Variants in TBC1D20 observed in about 807,000 individuals in gnomAD.
The protein encoded by TBC1D20 is chromosome 20 open reading frame 140.
Under a neutral mutation model 41.6 loss-of-function variants are expected in TBC1D20, and 12 were observed. That is an observed-to-expected ratio of 0.29 (90% CI 0.18 to 0.47). The LOEUF (loss-of-function observed/expected upper bound fraction) is 0.47. Ranked by LOEUF, TBC1D20 falls within the 20% of genes least tolerant of loss-of-function variation. The pLI is 1.00. For missense variants in TBC1D20, 421 were observed against 517.4 expected, an observed-to-expected ratio of 0.81 and a Z score of 1.81; for synonymous variants, 205 against 204.8, an observed-to-expected ratio of 1.00 and a Z score of -0.01.
Position 462,480 on chromosome 20 carries a change from G to A in TBC1D20, c.-75C>T, listed in dbSNP as rs1379043007. The A allele has an allele frequency of 2.2e-6, 2 of 910,472 alleles. No individual in the cohort carries two copies. The highest frequency in any genetic ancestry group is 2.8e-6 in the Non-Finnish European group (2 of 710,018). The allele number at this position is 910,472 out of a possible 1,614,324, so 56.4% of individuals were successfully genotyped here. ...GGAGAAGACGCGGCTCCGACCGCGGGACGTAGCACCCGCTCGGCATCGGCA... is the reference window on the plus strand; with the variant it reads ...GGAGAAGACGCGGCTCCGACCGCGGAACGTAGCACCCGCTCGGCATCGGCA... On this transcript the variant is annotated 5_prime_UTR_variant, in exon 1 of 8. Coordinates refer to ENST00000354200, the MANE Select transcript of TBC1D20 (RefSeq NM_144628.4).
intron 1 of TBC1D20, among the ~76,000 whole-genome samples, chr20:460,032 T>A (rs2017602548): frequency 6.6e-6 from 1 of 152,156 alleles, no homozygotes; most frequent in African/African-American, 2.4e-5. Flanking sequence ...TATTTTTTCA[T>A]ATCACCAAAA....
chr20:462,370 G>A lies in TBC1D20; in HGVS notation c.36C>T (p.Thr12=), dbSNP rs2017649202. The change falls in exon 1 of 8, where the codon ACC becomes ACT. Residue 12 remains threonine (T), a synonymous_variant. Transcript: ENST00000354200. ...CCGCGCCGCCGTCCCAGTGGCCGGA[G>A]GTGGGGCCGTCGCCCTGCGCACTCC... is the stretch of plus-strand genomic sequence containing the variant. ...ALRSAQGDGP[T]SGHWDGGAEK... is the part of the protein sequence containing the mutation. The A allele has an allele frequency of 2.6e-5, 34 of 1,306,218 alleles. No homozygotes were observed. The highest frequency in any genetic ancestry group is 3.3e-5 in the Non-Finnish European group (34 of 1,017,956). The allele number at this position is 1,306,218 out of a possible 1,614,324, so 80.9% of individuals were successfully genotyped here. A position where few individuals can be genotyped will look rare whatever the true frequency, so the allele number is the denominator to read the frequency against.
Position 440,251 on chromosome 20 carries a change from G to A in TBC1D20, c.765C>T (p.Ala255=), listed in dbSNP as rs563911003. 31 of 1,611,730 alleles carry A rather than the reference G, an allele frequency of 1.9e-5. No individual in the cohort carries two copies. Among genetic ancestry groups the A allele is most frequent in the South Asian group, 3.3e-5 (3 of 90,766 alleles). The change falls in exon 6 of 8, where the codon GCC becomes GCT. Residue 255 remains alanine, a synonymous_variant. Transcript: ENST00000354200. ...CTGGCTCGTGGCCTGTACCTACCACGGCTGCAAAGTAAATCGGCATCAGTG... is the reference window on the plus strand; with the variant it reads ...CTGGCTCGTGGCCTGTACCTACCACAGCTGCAAAGTAAATCGGCATCAGTG... ...CHPLMPIYFA[A]VIVLYREQEV...
intron 1 of TBC1D20, among the ~76,000 whole-genome samples, chr20:449,847 A>G (rs2017412907): frequency 6.6e-6 from 1 of 152,228 alleles, no homozygotes; most frequent in African/African-American, 2.4e-5. Flanking sequence ...ATTAGTACGT[A>G]ATATGCAAAG....
intron 1 of TBC1D20, among the ~76,000 whole-genome samples, chr20:457,084 G>GCA (rs1187099551): frequency 6.6e-6 from 1 of 151,102 alleles, no homozygotes; most frequent in Admixed American, 6.6e-5. Context: ...TTACAGGCAT[G>GCA]CACCACCATG....
At position 441,646 on chromosome 20, in the gene TBC1D20, T is replaced by C. The variant is rs1178050254; in HGVS notation, c.568A>G (p.Asn190Asp). ...TGGTCAATGATGGGCATCAGATAGT[T>C]TAATATATGCTTGGTGTTGTCCATT... The part of the protein sequence containing the change: ...PTMDNTKHIL[N>D]YLMPIIDQVN... The change falls in exon 5 of 8, where the codon AAC becomes GAC. Residue 190 changes from asparagine to aspartate, a missense_variant. Physicochemically the swap from Asn to Asp is conservative, Grantham distance 23 (BLOSUM62 1). Around this residue, in one of 3 missense-constraint regions of TBC1D20, gnomAD observed 110 missense variants for 183.5 expected, o/e 0.60. Coordinates refer to ENST00000354200, the MANE Select transcript of TBC1D20 (RefSeq NM_144628.4). 2 of 1,614,008 alleles carry C rather than the reference T, an allele frequency of 1.2e-6. No individual in the cohort carries two copies. Among genetic ancestry groups the C allele is most frequent in the Admixed American group, 3.3e-5 (2 of 59,970 alleles).
chr20:448,993 C>T (rs970286778), intron 1 of TBC1D20, among the ~76,000 whole-genome samples: 5 of 148,664 alleles, frequency 3.4e-5, no homozygotes, highest in Non-Finnish European at 3.0e-5. Context: ...ATTTCAGGCA[C>T]GCACCACCAT....
rs1425380791 is a variant in TBC1D20 at position 436,340 on chromosome 20, A to G, written c.*2246T>C. The G allele has an allele frequency of 6.6e-6, 1 of 152,298 alleles. No homozygotes were observed. 9.4% of individuals were successfully genotyped at this position (152,298 alleles called of 1,614,324 possible). A position where few individuals can be genotyped will look rare whatever the true frequency, so the allele number is the denominator to read the frequency against. On this transcript the variant is annotated 3_prime_UTR_variant, in exon 8 of 8. Transcript: ENST00000354200. ...AGGGCTCTGTACAAAATATTTACACATATTCTTTACAGAATAAGTAAACCA... is the reference window on the plus strand; with the variant it reads ...AGGGCTCTGTACAAAATATTTACACGTATTCTTTACAGAATAAGTAAACCA...
Position 438,450 on chromosome 20 carries a change from A to G in TBC1D20, c.*136T>C, listed in dbSNP as rs774839571. The stretch of plus-strand genomic sequence containing the variant: ...GGCCTCTGAAGTAAAGGCAAACACA[A>G]ACGGGCAGGGCAGGGTGGCAGGAAT... On this transcript the variant is annotated 3_prime_UTR_variant, in exon 8 of 8. Transcript: ENST00000354200. 1.1e-5 allele frequency: 12 copies of G among 1,070,650 alleles called. No individual in the cohort carries two copies. Among genetic ancestry groups the G allele is most frequent in the African/African-American group, 1.6e-5 (1 of 63,174 alleles). The allele number at this position is 1,070,650 out of a possible 1,614,324, so 66.3% of individuals were successfully genotyped here. A position where few individuals can be genotyped will look rare whatever the true frequency, so the allele number is the denominator to read the frequency against.
Position 437,395 on chromosome 20 carries a change from T to A in TBC1D20, c.*1191A>T, listed in dbSNP as rs1166032651. On this transcript the variant is annotated 3_prime_UTR_variant, in exon 8 of 8. Transcript: ENST00000354200. ...CTTTAAAGCAGCAAAAGGCACTTTT[T>A]TTTTCAGGCCAGAGTGAATCTAAAA... 6.6e-6 allele frequency: 1 copy of A among 152,658 alleles called. No homozygotes were observed. The highest frequency in any genetic ancestry group is 1.5e-5 in the Non-Finnish European group (1 of 68,054). 9.5% of individuals were successfully genotyped at this position (152,658 alleles called of 1,614,324 possible).
chr20:440,201 G>A lies in TBC1D20; in HGVS notation c.768+47C>T, dbSNP rs781557657. 18 of 1,598,836 alleles carry A rather than the reference G, an allele frequency of 1.1e-5. No individual in the cohort carries two copies. In the African/African-American group the frequency reaches 2.1e-4, roughly 19 times the overall value. On this transcript the variant is annotated intron_variant, in intron 6 of 7. Coordinates refer to ENST00000354200, the MANE Select transcript of TBC1D20 (RefSeq NM_144628.4). ...CCCTTCAGGGAAAATGACCACAGTGGGATGGGTGATGGTGAACCCAGCTGC... is the reference window on the plus strand; with the variant it reads ...CCCTTCAGGGAAAATGACCACAGTGAGATGGGTGATGGTGAACCCAGCTGC...
At chr20:447,582 C>T (rs2017360381) in intron 2 of TBC1D20, among the ~76,000 whole-genome samples, 1 of 152,056 alleles carries the variant, frequency 6.6e-6, no homozygotes, top group South Asian at 2.1e-4. Context: ...TGCTTGAACC[C>T]AGGGGGCAGA....
intron 1 of TBC1D20, among the ~76,000 whole-genome samples, chr20:456,307 A>C (rs1449394696): frequency 1.3e-5 from 2 of 152,062 alleles, no homozygotes; most frequent in African/African-American, 4.8e-5. Context: ...TGTTCATGAG[A>C]TGTGTCAAGC....
chr20:462,434 C>T lies in TBC1D20; in HGVS notation c.-29G>A, dbSNP rs902393179. ...CCGGGGCCCCGGGCCCCCACCCGAG[C>T]CCCGGCTGGTGGCGGAGCCGGGAGA... On this transcript the variant is annotated 5_prime_UTR_variant, in exon 1 of 8. Coordinates refer to ENST00000354200, the MANE Select transcript of TBC1D20 (RefSeq NM_144628.4). 7 of 1,189,800 alleles carry T rather than the reference C, an allele frequency of 5.9e-6. No individual in the cohort carries two copies. Among genetic ancestry groups the T allele is most frequent in the South Asian group, 2.9e-5 (1 of 34,530 alleles). 73.7% of individuals were successfully genotyped at this position (1,189,800 alleles called of 1,614,324 possible). A position where few individuals can be genotyped will look rare whatever the true frequency, so the allele number is the denominator to read the frequency against.
intron 1 of TBC1D20, 97 bp from the exon 2 acceptor site, chr20:448,171 G>A (rs1312448279): frequency 3.7e-6 from 3 of 802,024 alleles, no homozygotes; most frequent in South Asian, 3.4e-5. Context: ...GTACAGGTAA[G>A]TATCTCCTCT....
chr20:446,023 C>T (rs540941248), intron 2 of TBC1D20, among the ~76,000 whole-genome samples: 9 of 152,354 alleles, frequency 5.9e-5, no homozygotes, highest in South Asian at 4.1e-4. Flanking sequence ...GACATCATGA[C>T]GCTGTGAACT....
Position 449,147 on chromosome 20 carries a change from T to C in TBC1D20, c.71-1073A>G, listed in dbSNP as rs1485113343. Among the ~76,000 whole-genome samples, 233 of 136,856 alleles carry C rather than the reference T, an allele frequency of 1.7e-3. 1 individual carries two copies. Among genetic ancestry groups the C allele is most frequent in the African/African-American group, 6.2e-3 (226 of 36,436 alleles). The allele number at this position is 136,856 out of a possible 152,430, so 89.8% of individuals were successfully genotyped here. A position where few individuals can be genotyped will look rare whatever the true frequency, so the allele number is the denominator to read the frequency against. On this transcript the variant is annotated intron_variant, in intron 1 of 7. Transcript: ENST00000354200. ...GGTGTGAGCCACCACGCCCAGCCTA[T>C]ATGTACTTTTTTTTTTTTTTTTTTG...
chr20:461,617 C>T (rs1009480956), intron 1 of TBC1D20, among the ~76,000 whole-genome samples: 2 of 152,242 alleles, frequency 1.3e-5, no homozygotes, highest in African/African-American at 2.4e-5. Flanking sequence ...CAACCATGGC[C>T]TCCCAAAGCG....
intron 1 of TBC1D20, among the ~76,000 whole-genome samples, chr20:457,339 G>C (rs1385112326): frequency 6.6e-6 from 1 of 151,976 alleles, no homozygotes; most frequent in Non-Finnish European, 1.5e-5. Context: ...CAACCTCTAG[G>C]GCTCAAGCGA....
Sources: gnomAD v4.1 joint callset for allele counts (sites outside exome capture counted in the v4.1 genomes callset) on GRCh38, gnomAD v4.1.1 for gene constraint, gnomAD v4.1.1 regional missense constraint, MANE v1.5 for transcripts, NCBI Gene and HGNC (gene_info 2026-07-23, HGNC 2026-07-21) for gene names.